Variants in NDUFAF2 observed in about 807,000 individuals in gnomAD.
NDUFAF2 encodes NADH dehydrogenase [ubiquinone] 1 alpha subcomplex assembly factor 2.
In NDUFAF2, 13 loss-of-function variants were observed where a neutral mutation model predicts 22.8. That is an observed-to-expected ratio of 0.57 (90% CI 0.37 to 0.91). The LOEUF (loss-of-function observed/expected upper bound fraction) is 0.91, where lower values mean the gene tolerates loss of function less well. Among genes scored for constraint, NDUFAF2 ranks in the 40% least tolerant of loss-of-function variants. NDUFAF2 has a pLI of 0.01. For synonymous variants in NDUFAF2, 53 were observed against 64.2 expected (o/e 0.83, Z 0.84); for missense variants, 162 against 195.2 (o/e 0.83, Z 1.01).
intron 3 of NDUFAF2, among the ~76,000 whole-genome samples, chr5:61,127,887 A>G (rs1269953614): frequency 6.6e-6 from 1 of 152,200 alleles, no homozygotes; most frequent in African/African-American, 2.4e-5. Context: ...TTGTATATCT[A>G]GAAAACCCCA....
intron 1 of NDUFAF2, among the ~76,000 whole-genome samples, chr5:61,028,855 C>T (rs1428969984): frequency 6.6e-6 from 1 of 152,078 alleles, no homozygotes; most frequent in Non-Finnish European, 1.5e-5. Flanking sequence ...TTTATTAGCA[C>T]TAGGTAACTT....
chr5:60,965,776 CACTT>C (rs1357934592), intron 1 of NDUFAF2, among the ~76,000 whole-genome samples: 1 of 152,128 alleles, frequency 6.6e-6, no homozygotes, highest in South Asian at 2.1e-4. Context: ...TGTCAATAGA[CACTT>C]AAGTTAATTC....
At chr5:61,041,369 G>C (rs1751880321) in intron 1 of NDUFAF2, among the ~76,000 whole-genome samples, 1 of 152,022 alleles carries the variant, frequency 6.6e-6, no homozygotes, top group African/African-American at 2.4e-5. Flanking sequence ...ACTACCAATA[G>C]AGGTACTAAT....
At chr5:61,065,889 A>G (rs1012528962) in intron 1 of NDUFAF2, among the ~76,000 whole-genome samples, 2 of 152,026 alleles carry the variant, frequency 1.3e-5, no homozygotes, top group Admixed American at 1.3e-4. Context: ...CAAATCAGAA[A>G]AGAAGTAGAA....
chr5:60,976,519 A>G (rs1750905126), intron 1 of NDUFAF2, among the ~76,000 whole-genome samples: 1 of 152,148 alleles, frequency 6.6e-6, no homozygotes, highest in Admixed American at 6.5e-5. Flanking sequence ...ATGGACCCCA[A>G]GGGGGTAGAC....
chr5:61,005,854 T>C (rs1333368413), intron 1 of NDUFAF2, among the ~76,000 whole-genome samples: 1 of 152,218 alleles, frequency 6.6e-6, no homozygotes, highest in Non-Finnish European at 1.5e-5. Context: ...CTTTGTGAGA[T>C]GGGTAGATTG....
At chr5:61,023,736 T>C (rs1751615838) in intron 1 of NDUFAF2, among the ~76,000 whole-genome samples, 1 of 152,202 alleles carries the variant, frequency 6.6e-6, no homozygotes, top group Non-Finnish European at 1.5e-5. Flanking sequence ...TTCAAATTAA[T>C]GACTGGCTTC....
chr5:61,078,914 T>A (rs1752403936), intron 2 of NDUFAF2, among the ~76,000 whole-genome samples: 1 of 152,222 alleles, frequency 6.6e-6, no homozygotes, highest in African/African-American at 2.4e-5. Context: ...TAATTCAGAT[T>A]GTTGTATTTA....
intron 1 of NDUFAF2, among the ~76,000 whole-genome samples, chr5:61,015,306 G>C (rs573068938): frequency 6.6e-6 from 1 of 152,106 alleles, no homozygotes; most frequent in Non-Finnish European, 1.5e-5. Context: ...TTTTCAGACA[G>C]GGTCTTGCTC....
At chr5:61,035,459 G>C (rs1375743931) in intron 1 of NDUFAF2, among the ~76,000 whole-genome samples, 3 of 89,756 alleles carry the variant, frequency 3.3e-5, no homozygotes, top group Non-Finnish European at 6.2e-5. Context: ...TTTTGGTAAA[G>C]GGCTTTTAAA....
intron 1 of NDUFAF2, among the ~76,000 whole-genome samples, chr5:60,948,975 A>T (rs1226273433): frequency 6.6e-6 from 1 of 151,572 alleles, no homozygotes; most frequent in East Asian, 1.9e-4. Context: ...TTTTAATTTT[A>T]GCTCTTCTAG....
In NDUFAF2 at chr5:61,128,521, T is replaced by C. The variant is rs539433505; in HGVS notation, c.259-24183T>C. Among the ~76,000 whole-genome samples, 42 of 152,140 alleles carry C rather than the reference T, an allele frequency of 2.8e-4. No individual in the cohort carries two copies. In the East Asian group the frequency reaches 6.6e-3, roughly 24 times the overall value. On this transcript the variant is annotated intron_variant, in intron 3 of 3. Coordinates refer to ENST00000296597, the MANE Select transcript of NDUFAF2 (RefSeq NM_174889.5). ...ACATCTACAACTATCTGATCTTTGATGAACCTGACAAAAACAAGAAATGGG... is the reference window on the plus strand; with the variant it reads ...ACATCTACAACTATCTGATCTTTGACGAACCTGACAAAAACAAGAAATGGG...
intron 1 of NDUFAF2, among the ~76,000 whole-genome samples, chr5:60,973,461 A>G (rs1241207378): frequency 6.6e-6 from 1 of 152,176 alleles, no homozygotes; most frequent in Admixed American, 6.5e-5. Context: ...ATATAACACA[A>G]AGATGTTATA....
At position 60,945,226 on chromosome 5, in the gene NDUFAF2, G is replaced by C. The variant is rs756281859; in HGVS notation, c.-30G>C. ...CATTACCCCTACTGCGGGTCCCGCT[G>C]CTGGCAGCGCTGGAAACTGGGTGGA... is the stretch of plus-strand genomic sequence containing the variant. On this transcript the variant is annotated 5_prime_UTR_variant, in exon 1 of 4. Transcript: ENST00000296597. 2 of 1,609,966 alleles carry C rather than the reference G, an allele frequency of 1.2e-6. No individual in the cohort carries two copies. Among genetic ancestry groups the C allele is most frequent in the South Asian group, 2.2e-5 (2 of 90,532 alleles).
At chr5:61,107,022 G>T (rs1484777898) in intron 3 of NDUFAF2, among the ~76,000 whole-genome samples, 4 of 128,340 alleles carry the variant, frequency 3.1e-5, no homozygotes, top group African/African-American at 8.9e-5. Context: ...TCGATATTCT[G>T]ATTTCCTTTC....
chr5:61,035,455 T>TTTGC (rs1751788745), intron 1 of NDUFAF2, among the ~76,000 whole-genome samples: 1 of 120,828 alleles, frequency 8.3e-6, no homozygotes. Flanking sequence ...TTTTTTTTGG[T>TTTGC]AAAGGGCTTT....
intron 2 of NDUFAF2, among the ~76,000 whole-genome samples, chr5:61,085,269 CATA>C (rs1357015459): frequency 6.6e-6 from 1 of 151,986 alleles, no homozygotes; most frequent in African/African-American, 2.4e-5. Context: ...TTATATTCAG[CATA>C]ATAACAAAAA....
Position 61,097,071 on chromosome 5 carries a change from G to A in NDUFAF2, c.218-1921G>A, listed in dbSNP as rs543461705. ...GGAACTGTATTGGAGATACATGTAA[G>A]GGATAAGTGCAAGAGAGAATAGAGC... On this transcript the variant is annotated intron_variant, in intron 2 of 3. Coordinates refer to ENST00000296597, the MANE Select transcript of NDUFAF2 (RefSeq NM_174889.5). Among the ~76,000 whole-genome samples the A allele has an allele frequency of 7.7e-4, 117 of 152,328 alleles. 2 individuals carry two copies. Among genetic ancestry groups the A allele is most frequent in the Admixed American group, 3.4e-3 (52 of 15,300 alleles).
At chr5:61,002,306 G>C (rs970323844) in intron 1 of NDUFAF2, among the ~76,000 whole-genome samples, 1 of 152,104 alleles carries the variant, frequency 6.6e-6, no homozygotes, top group Admixed American at 6.6e-5. Flanking sequence ...TTCTCTGTCA[G>C]ATCAAGCAAG....
Sources: allele counts gnomAD v4.1 joint callset (sites outside exome capture counted in the v4.1 genomes callset), GRCh38; gene constraint gnomAD v4.1.1; transcripts MANE v1.5; gene names NCBI Gene and HGNC (gene_info 2026-07-23, HGNC 2026-07-21).